Variants in ENKUR observed in about 807,000 individuals in gnomAD.
ENKUR encodes enkurin, TRPC channel interacting protein.
ENKUR carries 19 observed loss-of-function variants against 27.6 expected under a neutral mutation model. The ratio of observed to expected loss-of-function variants is 0.69; its 90% CI spans 0.48 to 1.01. The LOEUF (loss-of-function observed/expected upper bound fraction) is 1.01, where lower values mean the gene tolerates loss of function less well. ENKUR is among the 50% of genes least tolerant of loss of function. The pLI, the probability that ENKUR is intolerant of heterozygous loss-of-function variation, is 0.00. For synonymous variants in ENKUR, 117 were observed against 96.9 expected (o/e 1.21, Z -1.22); for missense variants, 312 against 310.5 (o/e 1.00, Z -0.04).
intron 2 of ENKUR, among the ~76,000 whole-genome samples, chr10:25,047,467 G>A (rs142449056): frequency 2.7e-4 from 41 of 152,264 alleles, no homozygotes; most frequent in African/African-American, 9.4e-4. Context: ...CAAGTAAAGT[G>A]GAATAGTGTT....
intron 2 of ENKUR, chr10:25,061,039 G>A (rs1400179393): frequency 7.1e-7 from 1 of 1,400,148 alleles, no homozygotes; most frequent in East Asian, 2.5e-5. Flanking sequence ...ATGAGACAAG[G>A]ATATCTCTAA....
In ENKUR at chr10:24,984,894, C is replaced by A. The variant is rs747201354; in HGVS notation, c.606G>T (p.Lys202Asn). Residue 202 changes from lysine (K) to asparagine (N), a missense_variant, in exon 5 of 6, where the codon AAG (lysine) becomes AAT (asparagine). Transcript: ENST00000331161. The stretch of plus-strand genomic sequence containing the variant: ...ATTCTTTATGCACCTCTTCCCAGTT[C>A]TTTTTCAGCCCCTGCAAATGGTCAA... Reference protein sequence around the residue: ...EREAVLQGLKKNWEEVHKEFQ... With the variant: ...EREAVLQGLKNNWEEVHKEFQ... The A allele has an allele frequency of 4.3e-6, 7 of 1,611,388 alleles. No homozygotes were observed. The highest frequency in any genetic ancestry group is 3.4e-5 in the Admixed American group (2 of 59,510).
intron 2 of ENKUR, among the ~76,000 whole-genome samples, chr10:25,045,312 C>T: frequency 6.6e-6 from 1 of 152,258 alleles, no homozygotes; most frequent in East Asian, 1.9e-4. Context: ...TTATATGACC[C>T]ATACTGCCCT....
In ENKUR at chr10:25,061,101, G is replaced by T. The variant is rs990524655; in HGVS notation, c.37+11C>A. The T allele has an allele frequency of 3.9e-6, 6 of 1,535,794 alleles. No individual in the cohort carries two copies. The Admixed American group carries it at 1.2e-4, about 30-fold the overall frequency. ...ATGCAAAACCTGTGAACACAAGAAT[G>T]TCAGTATTACCTGGGGAGCCACCTC... is the stretch of plus-strand genomic sequence containing the variant. On this transcript the variant is annotated intron_variant, in intron 2 of 5. Transcript: ENST00000615958.
intron 1 of ENKUR, among the ~76,000 whole-genome samples, chr10:25,010,156 T>C (rs1219111253): frequency 1.4e-4 from 21 of 152,114 alleles, no homozygotes; most frequent in Admixed American, 1.2e-3. Flanking sequence ...AGAATGTTGA[T>C]AGCAATAAAG....
intron 5 of ENKUR, 119 bp downstream of exon 5, chr10:24,984,617 T>A: frequency 9.2e-7 from 1 of 1,082,140 alleles, no homozygotes; most frequent in Non-Finnish European, 1.3e-6. Context: ...GCATTCTGAT[T>A]AAGACTATTT....
At chr10:25,051,286 C>T (rs943367769) in intron 2 of ENKUR, among the ~76,000 whole-genome samples, 1 of 152,198 alleles carries the variant, frequency 6.6e-6, no homozygotes, top group African/African-American at 2.4e-5. Flanking sequence ...AATGCAAACC[C>T]TCCTTGGAGA....
chr10:24,997,462 C>T (rs1338020091), intron 2 of ENKUR, among the ~76,000 whole-genome samples: 1 of 151,128 alleles, frequency 6.6e-6, no homozygotes, highest in Admixed American at 6.6e-5. Flanking sequence ...TCATAGCTCA[C>T]TGCAGCCTCA....
At chr10:25,010,335 T>C (rs1221276535) in intron 1 of ENKUR, among the ~76,000 whole-genome samples, 2 of 152,194 alleles carry the variant, frequency 1.3e-5, no homozygotes, top group Admixed American at 6.5e-5. Flanking sequence ...GGGCATCTGA[T>C]GGAAGAAATT....
intron 1 of ENKUR, among the ~76,000 whole-genome samples, chr10:25,011,608 T>C (rs920039798): frequency 6.6e-6 from 1 of 152,130 alleles, no homozygotes; most frequent in Non-Finnish European, 1.5e-5. Context: ...ACTTAAACGT[T>C]AGACCTGCAA....
At chr10:25,056,705 G>A (rs1364735047) in intron 2 of ENKUR, among the ~76,000 whole-genome samples, 2 of 152,210 alleles carry the variant, frequency 1.3e-5, no homozygotes, top group African/African-American at 2.4e-5. Flanking sequence ...ATACTGAAAC[G>A]TTAGTGCCTA....
At chr10:25,018,652 G>A (rs1322576118), upstream of ENKUR, among the ~76,000 whole-genome samples, 1 of 137,156 alleles carries the variant, frequency 7.3e-6, no homozygotes, top group Non-Finnish European at 1.6e-5. Flanking sequence ...ATAAACAAAT[G>A]AGAGTTGTTT....
chr10:24,987,162 T>G (rs1389584086), intron 4 of ENKUR, among the ~76,000 whole-genome samples: 1 of 152,114 alleles, frequency 6.6e-6, no homozygotes, highest in African/African-American at 2.4e-5. Context: ...CTAGCTGCAT[T>G]CATCTGTGAC....
At chr10:25,057,322 C>G (rs943511085) in intron 2 of ENKUR, among the ~76,000 whole-genome samples, 1 of 150,316 alleles carries the variant, frequency 6.7e-6, no homozygotes, top group Non-Finnish European at 1.5e-5. Context: ...GTATAGTTTA[C>G]AGCTAACACT....
upstream of ENKUR, chr10:25,016,254 G>T: frequency 1.1e-6 from 1 of 909,070 alleles, no homozygotes; most frequent in Non-Finnish European, 1.4e-6. Flanking sequence ...AGCGCCTTCT[G>T]CTAGAGAAGC....
At chr10:25,012,271 A>G (rs190734037) in intron 1 of ENKUR, among the ~76,000 whole-genome samples, 1 of 152,360 alleles carries the variant, frequency 6.6e-6, no homozygotes, top group African/African-American at 2.4e-5. Context: ...GGCAGTGTGG[A>G]AGGGAAATAT....
intron 2 of ENKUR, among the ~76,000 whole-genome samples, chr10:25,060,768 C>T (rs1165920301): frequency 6.6e-6 from 1 of 152,114 alleles, no homozygotes; most frequent in Non-Finnish European, 1.5e-5. Context: ...ACTGCAGTGG[C>T]ACAATCATAG....
At chr10:25,024,730 G>A (rs1285713723) in intron 2 of ENKUR, 9 of 1,614,124 alleles carry the variant, frequency 5.6e-6, no homozygotes, top group Non-Finnish European at 7.6e-6. Flanking sequence ...AAGCCCAGTC[G>A]ATGTCTGTAT....
intron 2 of ENKUR, among the ~76,000 whole-genome samples, chr10:25,052,191 A>T (rs1264042976): frequency 1.3e-5 from 2 of 152,166 alleles, no homozygotes; most frequent in African/African-American, 4.8e-5. Context: ...AATAAGTGAG[A>T]AATGATTACC....
Sources: allele counts gnomAD v4.1 joint callset (sites outside exome capture counted in the v4.1 genomes callset), GRCh38; gene constraint gnomAD v4.1.1; transcripts MANE v1.5; gene names NCBI Gene and HGNC (gene_info 2026-07-23, HGNC 2026-07-21).